GRAMD1C: variants seen among roughly 807,000 people sequenced by gnomAD.
GRAMD1C encodes the protein protein Aster-C.
GRAMD1C carries 89 observed loss-of-function variants against 97.8 expected under a neutral mutation model. That is an observed-to-expected ratio of 0.91 (90% CI 0.77 to 1.09). GRAMD1C has a LOEUF of 1.09. GRAMD1C is among the 50% of genes least tolerant of loss of function. GRAMD1C has a pLI of 0.00. For synonymous variants in GRAMD1C, 256 were observed against 267.0 expected (o/e 0.96, Z 0.40); for missense variants, 740 against 766.4 (o/e 0.97, Z 0.41).
intron 9 of GRAMD1C, among the ~76,000 whole-genome samples, chr3:113,912,671 C>T (rs1004173039): frequency 6.6e-6 from 1 of 151,688 alleles, no homozygotes; most frequent in African/African-American, 2.4e-5. Flanking sequence ...GAGATCAAGG[C>T]TGCAGTGAGC....
intron 3 of GRAMD1C, among the ~76,000 whole-genome samples, chr3:113,874,389 C>T (rs910643211): frequency 7.9e-5 from 12 of 151,330 alleles, no homozygotes; most frequent in East Asian, 5.8e-4. Context: ...GACAGAGTCT[C>T]GCTCCCTGGA....
chr3:113,893,476 A>G (rs1490483386), intron 6 of GRAMD1C, among the ~76,000 whole-genome samples: 1 of 152,032 alleles, frequency 6.6e-6, no homozygotes, highest in Non-Finnish European at 1.5e-5. Context: ...ACCTGAAGTC[A>G]GGTTCTTTCT....
At chr3:113,845,980 A>G (rs1438834619) in intron 2 of GRAMD1C, among the ~76,000 whole-genome samples, 2 of 152,226 alleles carry the variant, frequency 1.3e-5, no homozygotes, top group African/African-American at 4.8e-5. Flanking sequence ...GAAAATATTT[A>G]ATTGCTAAGA....
At chr3:113,849,291 A>ATTTG (rs1451612072) in intron 2 of GRAMD1C, among the ~76,000 whole-genome samples, 1 of 149,354 alleles carries the variant, frequency 6.7e-6, no homozygotes, top group African/African-American at 2.4e-5. Context: ...TTATTTATTT[A>ATTTG]TTTATTTATT....
chr3:113,931,903 G>C (rs971419698), intron 11 of GRAMD1C, among the ~76,000 whole-genome samples: 3 of 152,074 alleles, frequency 2.0e-5, no homozygotes, highest in Non-Finnish European at 4.4e-5. Flanking sequence ...TCTAGCCTGG[G>C]CAACAGAGCT....
intron 9 of GRAMD1C, among the ~76,000 whole-genome samples, chr3:113,909,358 T>C (rs1352355484): frequency 2.0e-5 from 3 of 152,222 alleles, no homozygotes; most frequent in African/African-American, 4.8e-5. Context: ...AGCTTCTAAA[T>C]GTGGTGTTAA....
At chr3:113,924,752 G>T (rs1007997285) in intron 10 of GRAMD1C, among the ~76,000 whole-genome samples, 5 of 152,142 alleles carry the variant, frequency 3.3e-5, no homozygotes, top group Admixed American at 6.6e-5. Context: ...CTGCTGTTTT[G>T]GGGTGGAGAG....
At position 113,844,901 on chromosome 3, in the gene GRAMD1C, G is replaced by A. The variant is rs563283903; in HGVS notation, c.174+252G>A. On this transcript the variant is annotated intron_variant, in intron 2 of 17. Coordinates refer to ENST00000358160, the MANE Select transcript of GRAMD1C (RefSeq NM_017577.5). Reference sequence around the variant, plus strand: ...GTGTGAAAACTACACCACAGAAGTGGATTCCACTTACACTGTAGCTCACTG... The same window carrying A: ...GTGTGAAAACTACACCACAGAAGTGAATTCCACTTACACTGTAGCTCACTG... 491 of 328,146 alleles carry A rather than the reference G, an allele frequency of 1.5e-3. 2 individuals are homozygous for A. Among genetic ancestry groups the A allele is most frequent in the Non-Finnish European group, 2.3e-3 (422 of 182,168 alleles). The allele number at this position is 328,146 out of a possible 1,614,324, so 20.3% of individuals were successfully genotyped here. A position where few individuals can be genotyped will look rare whatever the true frequency, so the allele number is the denominator to read the frequency against.
intron 1 of GRAMD1C, among the ~76,000 whole-genome samples, chr3:113,832,321 C>T (rs1447333572): frequency 1.3e-5 from 2 of 152,104 alleles, no homozygotes; most frequent in Non-Finnish European, 2.9e-5. Flanking sequence ...AGCCACTGTG[C>T]CTGGCATAAT....
intron 10 of GRAMD1C, among the ~76,000 whole-genome samples, chr3:113,920,723 A>G (rs1251560379): frequency 1.3e-5 from 2 of 151,980 alleles, no homozygotes; most frequent in Admixed American, 6.6e-5. Context: ...TTGTATTTTT[A>G]GTAGAGATGG....
chr3:113,844,681 C>T (rs780745325), intron 2 of GRAMD1C, 32 bp downstream of exon 2: 16 of 1,481,700 alleles, frequency 1.1e-5, no homozygotes, highest in East Asian at 4.7e-5. Context: ...TTATTTTAAT[C>T]TTGAATACAA....
intron 4 of GRAMD1C, 141 bp downstream of exon 4, chr3:113,875,728 A>G: frequency 2.6e-6 from 1 of 381,436 alleles, no homozygotes; most frequent in Non-Finnish European, 4.4e-6. Context: ...TGTAAATACA[A>G]ACGTGTTGTA....
At chr3:113,921,810 T>C (rs546127720) in intron 10 of GRAMD1C, among the ~76,000 whole-genome samples, 2 of 152,290 alleles carry the variant, frequency 1.3e-5, no homozygotes, top group East Asian at 3.9e-4. Context: ...TTGGGTTGTT[T>C]GGTTTTTTGC....
chr3:113,933,790 A>C (rs963725307), intron 12 of GRAMD1C, 137 bp downstream of exon 12: 29 of 623,522 alleles, frequency 4.7e-5, no homozygotes, highest in Non-Finnish European at 7.0e-5. Flanking sequence ...GGGTGAGCAG[A>C]GGAGTGGGGC....
chr3:113,832,636 TC>T (rs147073382), intron 1 of GRAMD1C, among the ~76,000 whole-genome samples: 7,193 of 152,188 alleles, frequency 0.047, 176 homozygotes, highest in East Asian at 0.058. Context: ...CCATTCTACT[TC>T]CTTTCTCTAT....
intron 7 of GRAMD1C, among the ~76,000 whole-genome samples, chr3:113,903,807 C>T (rs972772561): frequency 4.6e-5 from 7 of 151,774 alleles, no homozygotes; most frequent in Admixed American, 3.3e-4. Context: ...TACTCTGTAC[C>T]TGTCCAAGCT....
Position 113,945,347 on chromosome 3 carries a change from AAATCTGATTAGAAAAATT to A in GRAMD1C, c.1909-41_1909-24del, listed in dbSNP as rs761902873. The A allele has an allele frequency of 3.7e-4, 458 of 1,221,634 alleles. 2 individuals carry two copies. Among genetic ancestry groups the A allele is most frequent in the Non-Finnish European group, 5.1e-4 (425 of 835,664 alleles). The allele number at this position is 1,221,634 out of a possible 1,614,324, so 75.7% of individuals were successfully genotyped here. A position where few individuals can be genotyped will look rare whatever the true frequency, so the allele number is the denominator to read the frequency against. ...TTGGGCATAAAAAACAGAAATTTTC[AAATCTGATTAGAAAAATT>A]AATCTGATTTTGAAAATTAACTTTG... On this transcript the variant is annotated intron_variant, in intron 17 of 17. Coordinates refer to ENST00000358160, the MANE Select transcript of GRAMD1C (RefSeq NM_017577.5).
intron 10 of GRAMD1C, among the ~76,000 whole-genome samples, chr3:113,921,616 G>C (rs1431574666): frequency 1.1e-4 from 17 of 152,124 alleles, no homozygotes; most frequent in Admixed American, 1.1e-3. Context: ...AACCTCACTA[G>C]CATCTGTTAT....
intron 6 of GRAMD1C, among the ~76,000 whole-genome samples, chr3:113,889,815 T>C (rs1452536370): frequency 6.6e-6 from 1 of 152,128 alleles, no homozygotes; most frequent in African/African-American, 2.4e-5. Flanking sequence ...ATTTTGTATT[T>C]TTAGTAGAGA....
Sources: gnomAD v4.1 joint callset for allele counts (sites outside exome capture counted in the v4.1 genomes callset) on GRCh38, gnomAD v4.1.1 for gene constraint, MANE v1.5 for transcripts, NCBI Gene and HGNC (gene_info 2026-07-23, HGNC 2026-07-21) for gene names.